CRACR2A: variants seen among roughly 807,000 people sequenced by gnomAD.
CRACR2A encodes the protein calcium release activated channel regulator 2A.
A neutral mutation model predicts 90.5 loss-of-function variants in CRACR2A; 79 were observed. That is an observed-to-expected ratio of 0.87 (90% CI 0.73 to 1.05). CRACR2A has a LOEUF of 1.05. Ranked by LOEUF, CRACR2A falls within the 50% of genes least tolerant of loss-of-function variation. The pLI, the probability that CRACR2A is intolerant of heterozygous loss-of-function variation, is 0.00. For missense variants in CRACR2A, 823 were observed against 897.2 expected (o/e 0.92, Z 1.06); for synonymous variants, 338 against 356.7 (o/e 0.95, Z 0.59).
intron 9 of CRACR2A, among the ~76,000 whole-genome samples, chr12:3,655,200 A>G (rs1944877399): frequency 6.6e-6 from 1 of 152,252 alleles, no homozygotes; most frequent in Non-Finnish European, 1.5e-5. Flanking sequence ...GTAATCAGGC[A>G]AGCATGCAGT....
chr12:3,666,074 T>C (rs887705430), intron 7 of CRACR2A, among the ~76,000 whole-genome samples: 3 of 151,936 alleles, frequency 2.0e-5, no homozygotes, highest in Admixed American at 2.0e-4. Context: ...GGAAGCTACC[T>C]GCTCTGGTGG....
chr12:3,655,256 G>T (rs1274544877), intron 9 of CRACR2A, among the ~76,000 whole-genome samples: 1 of 152,202 alleles, frequency 6.6e-6, no homozygotes, highest in African/African-American at 2.4e-5. Flanking sequence ...AAATGTAATT[G>T]CTAGGAACTT....
chr12:3,627,736 G>A, intron 15 of CRACR2A, 30 bp from the exon 16 acceptor site: 1 of 1,547,966 alleles, frequency 6.5e-7, no homozygotes, highest in East Asian at 2.4e-5. Flanking sequence ...TGTCAGGGCT[G>A]CCCTGGGCCA....
intron 15 of CRACR2A, among the ~76,000 whole-genome samples, chr12:3,631,169 C>G (rs190239117): frequency 2.2e-4 from 34 of 152,290 alleles, no homozygotes; most frequent in African/African-American, 7.5e-4. Context: ...AGCTGCTGCT[C>G]GAGCATGTGT....
intron 15 of CRACR2A, among the ~76,000 whole-genome samples, chr12:3,628,125 C>CCCTT (rs1274342303): frequency 6.9e-6 from 1 of 145,582 alleles, no homozygotes. Context: ...CTCCCTCCCT[C>CCCTT]CCTTCCTTCA....
At chr12:3,625,873 A>G (rs1944248140) in intron 17 of CRACR2A, among the ~76,000 whole-genome samples, 1 of 152,020 alleles carries the variant, frequency 6.6e-6, no homozygotes, top group Non-Finnish European at 1.5e-5. Flanking sequence ...TTCTGCAAAG[A>G]AGATAAATCT....
Position 3,745,835 on chromosome 12 carries a change from A to AAGAG in CRACR2A, c.-387+7179_-387+7180insCTCT, listed in dbSNP as rs1326502184. ...TAAAATAAAATAAAATAAAGAAAGA[A>AAGAG]AAGAGAAGAGAAAAGAAAAAAGAAA... On this transcript the variant is annotated intron_variant, in intron 1 of 19. Coordinates refer to ENST00000440314, the MANE Select transcript of CRACR2A (RefSeq NM_001144958.2). Among the ~76,000 whole-genome samples, 7 of 57,578 alleles carry AAGAG rather than the reference A, an allele frequency of 1.2e-4. No homozygotes were observed. The East Asian group carries it at 3.0e-3, about 24-fold the overall frequency. The allele number at this position is 57,578 out of a possible 152,430, so 37.8% of individuals were successfully genotyped here. A position where few individuals can be genotyped will look rare whatever the true frequency, so the allele number is the denominator to read the frequency against.
intron 8 of CRACR2A, among the ~76,000 whole-genome samples, chr12:3,657,049 G>A (rs1187616680): frequency 6.6e-6 from 1 of 152,204 alleles, no homozygotes; most frequent in African/African-American, 2.4e-5. Flanking sequence ...GAAGGGGCCT[G>A]GCTATGGGAC....
At chr12:3,742,913 G>T (rs1447191733) in intron 1 of CRACR2A, among the ~76,000 whole-genome samples, 2 of 152,156 alleles carry the variant, frequency 1.3e-5, no homozygotes, top group Non-Finnish European at 2.9e-5. Flanking sequence ...AGCTCTCTCT[G>T]CGCTTGTGTC....
intron 17 of CRACR2A, among the ~76,000 whole-genome samples, chr12:3,624,233 G>T (rs1174576351): frequency 6.6e-6 from 1 of 152,172 alleles, no homozygotes; most frequent in East Asian, 1.9e-4. Context: ...TGAACAGCTG[G>T]CCACCATTCA....
chr12:3,680,148 C>T (rs754091565), intron 5 of CRACR2A, 90 bp downstream of exon 5: 31 of 1,035,196 alleles, frequency 3.0e-5, no homozygotes, highest in Non-Finnish European at 4.4e-5. Context: ...TTACTACCTG[C>T]CCCCCAGGTC....
At chr12:3,660,248 A>C (rs1945004816) in intron 7 of CRACR2A, among the ~76,000 whole-genome samples, 1 of 152,192 alleles carries the variant, frequency 6.6e-6, no homozygotes, top group Non-Finnish European at 1.5e-5. Context: ...TGATGATGAC[A>C]ACAAGAGCTA....
chr12:3,638,361 G>A lies in CRACR2A; in HGVS notation c.1365C>T (p.Thr455=), dbSNP rs756806890. The change falls in exon 14 of 20, where the codon ACC becomes ACT. Residue 455 remains threonine, a synonymous_variant. Transcript: ENST00000440314. ...GYPLTEEEPG[T]GEPGPGGPYP... ...ACGGACCCCCAGGCCCTGGCTCCCC[G>A]GTTCCTGGCTCCTCTTCTGTTAGGG... The A allele has an allele frequency of 3.2e-5, 49 of 1,551,458 alleles. No individual in the cohort carries two copies. The highest frequency in any genetic ancestry group is 1.7e-4 in the Middle Eastern group (1 of 6,010).
intron 2 of CRACR2A, among the ~76,000 whole-genome samples, chr12:3,720,774 AACTG>A (rs1946158238): frequency 6.6e-6 from 1 of 152,222 alleles, no homozygotes; most frequent in Non-Finnish European, 1.5e-5. Context: ...TTAGAGCCAA[AACTG>A]ACTTCTTAGA....
intron 1 of CRACR2A, among the ~76,000 whole-genome samples, chr12:3,750,250 C>T (rs533409934): frequency 6.6e-6 from 1 of 152,246 alleles, no homozygotes; most frequent in African/African-American, 2.4e-5. Context: ...GGCTATTTTA[C>T]AGGAAACCCT....
intron 1 of CRACR2A, among the ~76,000 whole-genome samples, chr12:3,749,353 G>T (rs1946671240): frequency 6.6e-6 from 1 of 152,144 alleles, no homozygotes; most frequent in Non-Finnish European, 1.5e-5. Flanking sequence ...ACTCCCTTTG[G>T]CTTCTTCATG....
Position 3,654,290 on chromosome 12 carries a change from G to T in CRACR2A, c.968C>A (p.Ser323Tyr), listed in dbSNP as rs762392489. 43 of 1,613,918 alleles carry T rather than the reference G, an allele frequency of 2.7e-5. No homozygotes were observed. The highest frequency in any genetic ancestry group is 3.5e-5 in the Non-Finnish European group (41 of 1,179,992). The change falls in exon 10 of 20, where the codon TCC becomes TAC. Residue 323 changes from serine to tyrosine, a missense_variant. Physicochemically the swap from Ser to Tyr is moderately radical, Grantham distance 144. Transcript: ENST00000440314. Reference sequence around the variant, plus strand: ...CTGCTGAGCATCCTGGAGCTCCCAGGAAGTCCGCTCCAGCTCCCGGGCCAG... The same window carrying T: ...CTGCTGAGCATCCTGGAGCTCCCAGTAAGTCCGCTCCAGCTCCCGGGCCAG... ...QELARELERTSWELQDAQQQL... is the reference protein window; with the variant it reads ...QELARELERTYWELQDAQQQL...
intron 1 of CRACR2A, among the ~76,000 whole-genome samples, chr12:3,745,811 A>AAAAT (rs1946610593): frequency 4.3e-4 from 2 of 4,678 alleles, no homozygotes. Flanking sequence ...AAAATAAAAT[A>AAAAT]AAATAAAATA....
intron 15 of CRACR2A, among the ~76,000 whole-genome samples, chr12:3,628,650 C>A (rs1216838587): frequency 1.3e-5 from 2 of 152,196 alleles, no homozygotes; most frequent in Admixed American, 1.3e-4. Flanking sequence ...ACTCCTGCAT[C>A]CTGTAAGAAT....
Sources: allele counts gnomAD v4.1 joint callset (sites outside exome capture counted in the v4.1 genomes callset), GRCh38; gene constraint gnomAD v4.1.1; transcripts MANE v1.5; gene names NCBI Gene and HGNC (gene_info 2026-07-23, HGNC 2026-07-21).